Variants in TCF7L2 observed in about 807,000 individuals in gnomAD.
TCF7L2 encodes the protein transcription factor 7-like 2.
Under a neutral mutation model 77.9 loss-of-function variants are expected in TCF7L2, and 23 were observed. That is an observed-to-expected ratio of 0.30 (90% confidence interval 0.21 to 0.42). The LOEUF (loss-of-function observed/expected upper bound fraction) is 0.42, where lower values mean the gene tolerates loss of function less well. Among genes scored for constraint, TCF7L2 ranks in the 10% least tolerant of loss-of-function variants. TCF7L2 has a pLI of 1.00. For synonymous variants in TCF7L2, 413 were observed against 340.2 expected (o/e 1.21, Z -2.36); for missense variants, 654 against 793.1 (o/e 0.82, Z 2.11).
At chr10:113,103,074 G>C (rs766825725) in intron 5 of TCF7L2, among the ~76,000 whole-genome samples, 1 of 152,112 alleles carries the variant, frequency 6.6e-6, no homozygotes, top group Non-Finnish European at 1.5e-5. Flanking sequence ...AGAGGAAACT[G>C]GTGCAGACTT....
chr10:113,039,688 CCTCTCCCTCCCCACCT>C (rs1393713923), intron 4 of TCF7L2, among the ~76,000 whole-genome samples: 1 of 152,070 alleles, frequency 6.6e-6, no homozygotes, highest in Non-Finnish European at 1.5e-5. Flanking sequence ...TATATTCTTT[CCTCTCCCTCCCCACCT>C]CTCCCACTCC....
chr10:113,151,098 A>G lies in TCF7L2; in HGVS notation c.976A>G (p.Ser326Gly), dbSNP rs745701131. Residue 326 changes from serine to glycine, a missense_variant, in exon 9 of 14, where the codon AGT becomes GGT. Ser to Gly is a moderately conservative substitution (Grantham distance 56, BLOSUM62 0). Coordinates refer to ENST00000627217, the MANE Select transcript of TCF7L2 (RefSeq NM_001146274.2). This position sits in a 1 kb window ranked among gnomAD's most constrained non-coding sequence, Gnocchi z 5.2. ...AACAGTCAAACAGGAATCGTCCCAG[A>G]GTGATGTCGGCTCACTCCATAGTTC... 6.2e-7 allele frequency: 1 copy of G among 1,614,138 alleles called. No homozygotes were observed.
chr10:112,951,223 C>A lies in TCF7L2; in HGVS notation c.206C>A (p.Pro69Gln), dbSNP rs761411124. ...TCTGGGAAGGCGGAAAGACGGCCTCCGCCTCGCTCCGAAAGTTTCCGAGAC... is the reference window on the plus strand; with the variant it reads ...TCTGGGAAGGCGGAAAGACGGCCTCAGCCTCGCTCCGAAAGTTTCCGAGAC... Residue 69 changes from proline to glutamine, a missense_variant, in exon 2 of 14, where the codon CCG (proline) becomes CAG (glutamine). This residue lies in a region of TCF7L2 where 132 missense variants were observed against 123.7 expected (regional missense o/e 1.07). Coordinates refer to ENST00000627217, the MANE Select transcript of TCF7L2 (RefSeq NM_001146274.2). 6.3e-7 allele frequency: 1 copy of A among 1,582,322 alleles called. No individual in the cohort carries two copies. Among genetic ancestry groups the A allele is most frequent in the Non-Finnish European group, 8.6e-7 (1 of 1,167,090 alleles).
At chr10:113,097,400 C>T (rs2061117616) in intron 5 of TCF7L2, among the ~76,000 whole-genome samples, 1 of 152,104 alleles carries the variant, frequency 6.6e-6, no homozygotes, top group South Asian at 2.1e-4. Context: ...CGCCTATAAT[C>T]CCAGCACTTT....
intron 5 of TCF7L2, among the ~76,000 whole-genome samples, chr10:113,070,816 T>C (rs1258080422): frequency 6.6e-6 from 1 of 152,210 alleles, no homozygotes; most frequent in Non-Finnish European, 1.5e-5. Context: ...AATTCATCCA[T>C]TTAAAGCATG....
At chr10:113,095,858 G>A (rs2060903755) in intron 5 of TCF7L2, among the ~76,000 whole-genome samples, 1 of 152,318 alleles carries the variant, frequency 6.6e-6, no homozygotes, top group South Asian at 2.1e-4. Flanking sequence ...CCAGGGTGCT[G>A]CAAGCTGTGC....
intron 5 of TCF7L2, among the ~76,000 whole-genome samples, chr10:113,075,734 A>G (rs137873365): frequency 6.6e-6 from 1 of 152,296 alleles, no homozygotes; most frequent in East Asian, 1.9e-4. Flanking sequence ...ATGGGTTTAG[A>G]TCCTACCTGG....
At chr10:113,127,095 C>G (rs1265762121) in intron 5 of TCF7L2, 1 of 232,342 alleles carries the variant, frequency 4.3e-6, no homozygotes, top group Non-Finnish European at 7.1e-6. Context: ...TTTTTTTTAG[C>G]CTCTCTTTAA....
rs2058430892 is a variant in TCF7L2, at chr10:113,074,086, TA to T, written c.552+33962del. 2.0e-5 allele frequency among the ~76,000 whole-genome samples: 3 copies of T among 152,188 alleles called. No homozygotes were observed. The East Asian group carries it at 5.8e-4, about 29-fold the overall frequency. The stretch of plus-strand genomic sequence containing the variant: ...GTTTCTGGGGCGGTCGCAGGCTGAC[TA>T]ACACACCAAAGGTCAGCCAGGGTGT... On this transcript the variant is annotated intron_variant, in intron 5 of 13. Transcript: ENST00000627217.
chr10:113,064,831 C>A (rs1186789521), intron 5 of TCF7L2, among the ~76,000 whole-genome samples: 1 of 152,162 alleles, frequency 6.6e-6, no homozygotes, highest in Non-Finnish European at 1.5e-5. Flanking sequence ...AATGAAATTT[C>A]TTCCCCTCTC....
rs2137657462 is a variant in TCF7L2, at chr10:113,165,931, C to A, written c.1768C>A (p.Gln590Lys). The A allele has an allele frequency of 2.6e-6, 4 of 1,553,128 alleles. No homozygotes were observed. The highest frequency in any genetic ancestry group is 3.5e-6 in the Non-Finnish European group (4 of 1,148,240). ...TTCCCACAGCTCCCTGGCCGGGACCCAGCCCCAGCCGCTGTCGCTCGTCAC... is the reference window on the plus strand; with the variant it reads ...TTCCCACAGCTCCCTGGCCGGGACCAAGCCCCAGCCGCTGTCGCTCGTCAC... The change falls in exon 14 of 14, where the codon CAG (glutamine) becomes AAG (lysine). Residue 590 changes from glutamine to lysine, a missense_variant. Physicochemically the swap from Gln to Lys is moderately conservative, Grantham distance 53. Around this residue, in one of 6 missense-constraint regions of TCF7L2, gnomAD observed 272 missense variants for 215.4 expected, o/e 1.26. Transcript: ENST00000627217.
chr10:113,083,058 AG>A (rs1237966558), intron 5 of TCF7L2, among the ~76,000 whole-genome samples: 1 of 152,038 alleles, frequency 6.6e-6, no homozygotes, highest in African/African-American at 2.4e-5. Context: ...TCTTTTTCTC[AG>A]GTGAGGTCTT....
At chr10:113,157,445 A>G (rs541393150) in intron 11 of TCF7L2, among the ~76,000 whole-genome samples, 1 of 152,232 alleles carries the variant, frequency 6.6e-6, no homozygotes, top group East Asian at 1.9e-4. Flanking sequence ...AGGAGCCCAG[A>G]TGATTCCTCG....
intron 4 of TCF7L2, among the ~76,000 whole-genome samples, chr10:112,993,852 C>T (rs113224280): frequency 2.5e-3 from 379 of 152,100 alleles, no homozygotes; most frequent in African/African-American, 8.6e-3. Flanking sequence ...GTCAGGAGTT[C>T]GAGACCAGCT....
intron 5 of TCF7L2, among the ~76,000 whole-genome samples, chr10:113,097,695 G>A (rs12780047): frequency 6.9e-6 from 1 of 145,732 alleles, no homozygotes; most frequent in Admixed American, 6.8e-5. Context: ...AAAGATATAT[G>A]GAGGTGAGAG....
In TCF7L2 at chr10:113,165,691, C is replaced by G. The variant is rs2074002151; in HGVS notation, c.1528C>G (p.Gln510Glu). 1.9e-6 allele frequency: 3 copies of G among 1,611,960 alleles called. No individual in the cohort carries two copies. Among genetic ancestry groups the G allele is most frequent in the South Asian group, 1.1e-5 (1 of 90,780 alleles). ...CTCCCCTCCCCGAGACGCCAAGTCACAGACTGAGCAGACCCAGCCTCTGTC... is the reference window on the plus strand; with the variant it reads ...CTCCCCTCCCCGAGACGCCAAGTCAGAGACTGAGCAGACCCAGCCTCTGTC... Residue 510 changes from glutamine (Q) to glutamate (E), a missense_variant, in exon 14 of 14, where the codon CAG becomes GAG. By Grantham distance (29) the Gln-to-Glu change is conservative. Coordinates refer to ENST00000627217, the MANE Select transcript of TCF7L2 (RefSeq NM_001146274.2).
In TCF7L2 at chr10:113,045,502, G is replaced by A. The variant is rs551679209; in HGVS notation, c.552+5376G>A. Among the ~76,000 whole-genome samples the A allele has an allele frequency of 1.5e-3, 224 of 152,274 alleles. 1 individual carries two copies. Among genetic ancestry groups the A allele is most frequent in the African/African-American group, 5.1e-3 (213 of 41,562 alleles). On this transcript the variant is annotated intron_variant, in intron 5 of 13. Transcript: ENST00000627217. ...AGCTGGGAGCCCTGGGACCCCCAGG[G>A]AACCCCAGCCCCACCTGGGCATGGT...
intron 5 of TCF7L2, among the ~76,000 whole-genome samples, chr10:113,122,973 G>T (rs955581930): frequency 6.6e-6 from 1 of 152,162 alleles, no homozygotes; most frequent in African/African-American, 2.4e-5. Context: ...ACATTATCAA[G>T]TCACTAGTTG....
At chr10:113,089,991 G>A (rs926104428) in intron 5 of TCF7L2, among the ~76,000 whole-genome samples, 1 of 152,212 alleles carries the variant, frequency 6.6e-6, no homozygotes, top group South Asian at 2.1e-4. Flanking sequence ...AATTCAGGGT[G>A]CTGGAAAATG....
Sources: gnomAD v4.1 joint callset for allele counts (sites outside exome capture counted in the v4.1 genomes callset) on GRCh38, gnomAD v4.1.1 for gene constraint, gnomAD v4.1.1 regional missense constraint, Gnocchi (gnomAD v3.1) non-coding constraint, MANE v1.5 for transcripts, NCBI Gene and HGNC (gene_info 2026-07-23, HGNC 2026-07-21) for gene names.